The following GPR176 variants were observed in gnomAD, a reference collection of about 807,000 sequenced individuals.
GPR176 encodes the protein G protein-coupled receptor 176, also known as G-protein coupled receptor 176.
A neutral mutation model predicts 35.4 loss-of-function variants in GPR176; 26 were observed. The ratio of observed to expected loss-of-function variants is 0.74; its 90% CI spans 0.54 to 1.02. The LOEUF (loss-of-function observed/expected upper bound fraction) is 1.02. Among genes scored for constraint, GPR176 ranks in the 50% least tolerant of loss-of-function variants. The pLI, the probability that GPR176 is intolerant of heterozygous loss-of-function variation, is 0.00. For missense variants in GPR176, 597 were observed against 665.3 expected, an observed-to-expected ratio of 0.90 and a Z score of 1.13; for synonymous variants, 278 against 271.3, an observed-to-expected ratio of 1.02 and a Z score of -0.24.
At chr15:39,918,877 C>G (rs1412459188) in intron 1 of GPR176, among the ~76,000 whole-genome samples, 2 of 152,178 alleles carry the variant, frequency 1.3e-5, no homozygotes, top group Non-Finnish European at 2.9e-5. Flanking sequence ...TAGAAATTCA[C>G]AAGTGTCTAC....
At chr15:39,820,949 T>C (rs1350632011) in intron 1 of GPR176, among the ~76,000 whole-genome samples, 1 of 152,226 alleles carries the variant, frequency 6.6e-6, no homozygotes, top group Non-Finnish European at 1.5e-5. Flanking sequence ...TTTCTGTGCC[T>C]GAATCTTCAT....
intron 1 of GPR176, among the ~76,000 whole-genome samples, chr15:39,856,230 A>G (rs1461690095): frequency 6.6e-6 from 1 of 152,232 alleles, no homozygotes; most frequent in Non-Finnish European, 1.5e-5. Flanking sequence ...TATCCAAAAT[A>G]GCCACACACC....
At chr15:39,903,221 C>G (rs2033328021) in intron 1 of GPR176, among the ~76,000 whole-genome samples, 1 of 152,082 alleles carries the variant, frequency 6.6e-6, no homozygotes, top group South Asian at 2.1e-4. Flanking sequence ...ACTGGGACAC[C>G]TCATCATAAG....
At chr15:39,855,159 T>C (rs1002164146) in intron 1 of GPR176, among the ~76,000 whole-genome samples, 2 of 152,220 alleles carry the variant, frequency 1.3e-5, no homozygotes, top group Admixed American at 6.5e-5. Context: ...AAGATGAGTC[T>C]TTCCCAGAAG....
chr15:39,890,818 G>C (rs764961512), intron 1 of GPR176, among the ~76,000 whole-genome samples: 4 of 152,168 alleles, frequency 2.6e-5, no homozygotes, highest in Non-Finnish European at 5.9e-5. Context: ...ACCTGAGCTG[G>C]AGCTGAGGTC....
At chr15:39,808,791 C>G (rs1265486248) in intron 1 of GPR176, among the ~76,000 whole-genome samples, 1 of 152,028 alleles carries the variant, frequency 6.6e-6, no homozygotes, top group African/African-American at 2.4e-5. Flanking sequence ...GTAAGAGAAC[C>G]CCTTTTGTAG....
chr15:39,886,555 T>C (rs1268116814), intron 1 of GPR176, among the ~76,000 whole-genome samples: 1 of 152,094 alleles, frequency 6.6e-6, no homozygotes, highest in East Asian at 1.9e-4. Flanking sequence ...GCCTGAATGA[T>C]CTCAAAAATT....
chr15:39,807,651 G>A (rs1037963626), intron 1 of GPR176: 12 of 753,160 alleles, frequency 1.6e-5, no homozygotes, highest in Middle Eastern at 2.2e-4. Context: ...AGTGCAAACC[G>A]CACATGTCAT....
chr15:39,907,227 AG>A (rs1263527134), intron 1 of GPR176, among the ~76,000 whole-genome samples: 1 of 152,254 alleles, frequency 6.6e-6, no homozygotes, highest in East Asian at 1.9e-4. Flanking sequence ...GAGGCTGTTC[AG>A]GATCTCTCTG....
At chr15:39,881,422 C>A (rs915605988) in intron 1 of GPR176, among the ~76,000 whole-genome samples, 1 of 152,184 alleles carries the variant, frequency 6.6e-6, no homozygotes, top group African/African-American at 2.4e-5. Flanking sequence ...AACAGTATAG[C>A]GTTCTCAGGC....
intron 1 of GPR176, among the ~76,000 whole-genome samples, chr15:39,872,041 T>C (rs1470268242): frequency 6.6e-6 from 1 of 152,230 alleles, no homozygotes; most frequent in Middle Eastern, 3.2e-3. Context: ...CTTACAAATA[T>C]GCAACCCACT....
intron 1 of GPR176, among the ~76,000 whole-genome samples, chr15:39,840,586 C>T (rs1196107415): frequency 6.6e-6 from 1 of 152,080 alleles, no homozygotes; most frequent in African/African-American, 2.4e-5. Context: ...ACATATGTAA[C>T]AAACCTGCAC....
chr15:39,903,329 A>G (rs1165397355), intron 1 of GPR176, among the ~76,000 whole-genome samples: 3 of 152,198 alleles, frequency 2.0e-5, no homozygotes, highest in African/African-American at 7.2e-5. Flanking sequence ...TGTCCATGCT[A>G]CTTTGGGCTT....
chr15:39,919,888 C>A lies in GPR176; in HGVS notation c.139G>T (p.Val47Leu), dbSNP rs2033830223. 1.3e-6 allele frequency: 2 copies of A among 1,508,812 alleles called. No homozygotes were observed. Among genetic ancestry groups the A allele is most frequent in the Admixed American group, 2.3e-5 (1 of 42,998 alleles). The allele number at this position is 1,508,812 out of a possible 1,614,324, so 93.5% of individuals were successfully genotyped here. A position where few individuals can be genotyped will look rare whatever the true frequency, so the allele number is the denominator to read the frequency against. ...AQLYRQFTTT[V>L]QVVIFIGSLL... ...GAGCCTATGAAGATGACGACCTGCA[C>A]GGTGGTGGTGAACTGGCGGTACAGC... The change falls in exon 1 of 3, where the codon GTG becomes TTG. Residue 47 changes from valine to leucine, a missense_variant. Transcript: ENST00000561100.
intron 1 of GPR176, among the ~76,000 whole-genome samples, chr15:39,871,549 G>T (rs539390108): frequency 3.0e-4 from 46 of 152,298 alleles, no homozygotes; most frequent in Non-Finnish European, 5.3e-4. Context: ...GCCTTTAACA[G>T]AACTAGTACA....
At chr15:39,832,749 C>T (rs1901174845) in intron 1 of GPR176, among the ~76,000 whole-genome samples, 1 of 151,814 alleles carries the variant, frequency 6.6e-6, no homozygotes, top group Admixed American at 6.6e-5. Flanking sequence ...CAAAGCCATC[C>T]TTGGCTACGT....
At chr15:39,853,359 C>T (rs181948285) in intron 1 of GPR176, among the ~76,000 whole-genome samples, 1 of 152,178 alleles carries the variant, frequency 6.6e-6, no homozygotes, top group Non-Finnish European at 1.5e-5. Flanking sequence ...CTAAAGTAGT[C>T]AAATTCATAG....
At chr15:39,846,479 T>C (rs891551016) in intron 1 of GPR176, among the ~76,000 whole-genome samples, 6 of 152,200 alleles carry the variant, frequency 3.9e-5, no homozygotes, top group Non-Finnish European at 5.9e-5. Flanking sequence ...CTATCCTCAA[T>C]TGACACTAAC....
At chr15:39,819,383 T>C (rs1263257938) in intron 1 of GPR176, among the ~76,000 whole-genome samples, 1 of 152,232 alleles carries the variant, frequency 6.6e-6, no homozygotes, top group African/African-American at 2.4e-5. Flanking sequence ...AAAAGAACCT[T>C]ATCTGAAAAC....
Sources: gnomAD v4.1 joint callset for allele counts (sites outside exome capture counted in the v4.1 genomes callset) on GRCh38, gnomAD v4.1.1 for gene constraint, MANE v1.5 for transcripts, NCBI Gene and HGNC (gene_info 2026-07-23, HGNC 2026-07-21) for gene names.